The following RAB11FIP4 variants were observed in gnomAD, a reference collection of about 807,000 sequenced individuals.
RAB11FIP4 encodes RAB11 family interacting protein 4, also known as rab11 family-interacting protein 4.
A neutral mutation model predicts 74.3 loss-of-function variants in RAB11FIP4; 23 were observed. The observed-to-expected ratio is 0.31, with a 90% CI of 0.22 to 0.44. RAB11FIP4 has a LOEUF of 0.44. Ranked by LOEUF, RAB11FIP4 falls within the 20% of genes least tolerant of loss-of-function variation. The pLI, the probability that RAB11FIP4 is intolerant of heterozygous loss-of-function variation, is 1.00. For missense variants in RAB11FIP4, 630 were observed against 863.9 expected (o/e 0.73, Z 3.39); for synonymous variants, 360 against 359.9 (o/e 1.00, Z 0.00).
At chr17:31,448,266 A>G (rs2071488245) in intron 3 of RAB11FIP4, among the ~76,000 whole-genome samples, 2 of 151,236 alleles carry the variant, frequency 1.3e-5, no homozygotes. Flanking sequence ...TAAGAAACAA[A>G]GTCTTGCTCT....
intron 7 of RAB11FIP4, 185 bp from the exon 8 acceptor site, chr17:31,523,327 T>A (rs1408146721): frequency 1.6e-6 from 1 of 637,048 alleles, no homozygotes; most frequent in Non-Finnish European, 2.8e-6. Context: ...ACAGCCCATT[T>A]GCCATCCTCT....
intron 1 of RAB11FIP4, among the ~76,000 whole-genome samples, chr17:31,410,049 T>G (rs1163080532): frequency 1.3e-5 from 2 of 152,138 alleles, no homozygotes; most frequent in African/African-American, 4.8e-5. Context: ...GTGCCTCACC[T>G]GCGAAATTGG....
intron 3 of RAB11FIP4, among the ~76,000 whole-genome samples, chr17:31,477,001 G>T (rs933653572): frequency 6.6e-6 from 1 of 152,242 alleles, no homozygotes; most frequent in Admixed American, 6.5e-5. Context: ...GCAGGCCCCA[G>T]GGAGCCGCCC....
chr17:31,434,268 G>T (rs1474771419), intron 3 of RAB11FIP4, 146 bp downstream of exon 3: 2 of 686,968 alleles, frequency 2.9e-6, no homozygotes, highest in African/African-American at 1.8e-5. Flanking sequence ...ATAGTTTTTG[G>T]AACAGGAGCC....
intron 3 of RAB11FIP4, among the ~76,000 whole-genome samples, chr17:31,446,469 G>A (rs953478698): frequency 7.9e-5 from 12 of 152,086 alleles, no homozygotes; most frequent in African/African-American, 1.9e-4. Flanking sequence ...GCCATTGAAC[G>A]TCTGTGCGAT....
intron 3 of RAB11FIP4, among the ~76,000 whole-genome samples, chr17:31,489,767 G>C (rs1311985501): frequency 1.3e-5 from 2 of 152,058 alleles, no homozygotes; most frequent in Non-Finnish European, 2.9e-5. Context: ...AAGCCGCTAG[G>C]GTTCTTCACT....
intron 3 of RAB11FIP4, among the ~76,000 whole-genome samples, chr17:31,517,189 T>C (rs1249874554): frequency 3.2e-4 from 1 of 3,132 alleles, no homozygotes; most frequent in African/African-American, 1.5e-3. Context: ...GAGGAGGCGG[T>C]GCGGGGGGGG....
intron 1 of RAB11FIP4, among the ~76,000 whole-genome samples, chr17:31,396,183 C>CAAAAAAAAAAA (rs55991343): frequency 6.5e-5 from 8 of 122,582 alleles, no homozygotes; most frequent in African/African-American, 2.6e-4. Context: ...GACCCTGCCA[C>CAAAAAAAAAAA]AAAAAAAAAA....
At chr17:31,426,472 A>G (rs1271286911) in intron 1 of RAB11FIP4, among the ~76,000 whole-genome samples, 1 of 151,762 alleles carries the variant, frequency 6.6e-6, no homozygotes, top group African/African-American at 2.4e-5. Flanking sequence ...ATACTTCTCC[A>G]CATAAATGAT....
chr17:31,479,212 C>G (rs2071823359), intron 3 of RAB11FIP4, among the ~76,000 whole-genome samples: 1 of 152,224 alleles, frequency 6.6e-6, no homozygotes, highest in Non-Finnish European at 1.5e-5. Context: ...GAAATGTTCT[C>G]TCCTTGGTTT....
intron 1 of RAB11FIP4, among the ~76,000 whole-genome samples, chr17:31,412,250 A>G (rs1388026371): frequency 2.0e-5 from 3 of 152,140 alleles, no homozygotes; most frequent in African/African-American, 4.8e-5. Flanking sequence ...GGCCCATTTA[A>G]TGTCCTGTGC....
intron 1 of RAB11FIP4, among the ~76,000 whole-genome samples, chr17:31,397,874 CT>C (rs1267977554): frequency 0.013 from 1,905 of 141,752 alleles, 14 homozygotes; most frequent in African/African-American, 0.029. Context: ...ACGCCCCTGC[CT>C]TTTTTTTTTT....
intron 3 of RAB11FIP4, among the ~76,000 whole-genome samples, chr17:31,500,238 G>A (rs755752378): frequency 2.6e-5 from 4 of 152,120 alleles, no homozygotes; most frequent in Admixed American, 6.5e-5. Flanking sequence ...CTGCACCTTG[G>A]TTACAAACCA....
At chr17:31,493,244 G>T (rs976475074) in intron 3 of RAB11FIP4, among the ~76,000 whole-genome samples, 13 of 152,314 alleles carry the variant, frequency 8.5e-5, no homozygotes, top group African/African-American at 2.9e-4. Context: ...CATTAATTCA[G>T]ATGAAAACAA....
At chr17:31,431,537 C>A (rs1405107455) in intron 1 of RAB11FIP4, 4 of 407,634 alleles carry the variant, frequency 9.8e-6, no homozygotes, top group Non-Finnish European at 1.3e-5. Context: ...ATTGTGCAGT[C>A]CCTGGGGGAA....
intron 1 of RAB11FIP4, among the ~76,000 whole-genome samples, chr17:31,411,365 AAAACAAAC>A (rs577147175): frequency 2.0e-5 from 3 of 152,242 alleles, no homozygotes; most frequent in Admixed American, 6.5e-5. Flanking sequence ...TTCCATCTCA[AAAACAAAC>A]AAACAAACAA....
At chr17:31,491,995 G>A (rs778591010) in intron 3 of RAB11FIP4, among the ~76,000 whole-genome samples, 8 of 152,172 alleles carry the variant, frequency 5.3e-5, no homozygotes, top group African/African-American at 9.7e-5. Flanking sequence ...AGGGCACGCC[G>A]GCGATGTGCA....
chr17:31,402,827 G>C lies in RAB11FIP4; in HGVS notation c.159+10816G>C, dbSNP rs564521283. ...TTTTTAGTAGAGACGGGGTTTCACC[G>C]TGTTAGCCAGGATGGTCTCGATCTC... On this transcript the variant is annotated intron_variant, in intron 1 of 14. Coordinates refer to ENST00000621161, the MANE Select transcript of RAB11FIP4 (RefSeq NM_032932.6). Among the ~76,000 whole-genome samples, 12 of 151,178 alleles carry C rather than the reference G, an allele frequency of 7.9e-5. No individual in the cohort carries two copies. In the South Asian group the frequency reaches 1.9e-3, roughly 24 times the overall value.
At chr17:31,405,895 C>T (rs1428769536) in intron 1 of RAB11FIP4, among the ~76,000 whole-genome samples, 1 of 152,148 alleles carries the variant, frequency 6.6e-6, no homozygotes, top group East Asian at 1.9e-4. Context: ...GTGCCTGAAT[C>T]TGTTCTAGAG....
Sources: allele counts gnomAD v4.1 joint callset (sites outside exome capture counted in the v4.1 genomes callset), GRCh38; gene constraint gnomAD v4.1.1; transcripts MANE v1.5; gene names NCBI Gene and HGNC (gene_info 2026-07-23, HGNC 2026-07-21).